Variants in AGBL1 observed in about 807,000 individuals in gnomAD.
The protein encoded by AGBL1 is AGBL carboxypeptidase 1.
A neutral mutation model predicts 118.9 loss-of-function variants in AGBL1; 130 were observed. That is an observed-to-expected ratio of 1.09 (90% confidence interval 0.95 to 1.26). AGBL1 has a LOEUF of 1.26. Among genes scored for constraint, AGBL1 ranks in the 50% most tolerant of loss-of-function variants. The probability of loss-of-function intolerance (pLI) is 0.00; values close to 1 mark genes in which losing one functional copy is unlikely to be tolerated. For missense variants in AGBL1, 1,584 were observed against 1,298.1 expected, an observed-to-expected ratio of 1.22 and a Z score of -3.38; for synonymous variants, 555 against 478.9, an observed-to-expected ratio of 1.16 and a Z score of -2.08.
At chr15:86,258,530 C>T (rs1469083902) in intron 9 of AGBL1, among the ~76,000 whole-genome samples, 1 of 152,084 alleles carries the variant, frequency 6.6e-6, no homozygotes, top group African/African-American at 2.4e-5. Context: ...TCTTTGGTCC[C>T]CCTCCCAAAA....
chr15:86,954,355 G>A (rs1280099997), intron 23 of AGBL1, among the ~76,000 whole-genome samples: 2 of 152,142 alleles, frequency 1.3e-5, no homozygotes, highest in Non-Finnish European at 2.9e-5. Context: ...ACACTTGTAT[G>A]TTCATCACTG....
intron 16 of AGBL1, among the ~76,000 whole-genome samples, chr15:86,282,956 A>T (rs1301392660): frequency 1.3e-5 from 2 of 152,218 alleles, no homozygotes; most frequent in Non-Finnish European, 2.9e-5. Flanking sequence ...TGAAACTCTC[A>T]AAATTTTTTT....
At chr15:86,333,423 A>G (rs535112630) in intron 17 of AGBL1, among the ~76,000 whole-genome samples, 1 of 152,324 alleles carries the variant, frequency 6.6e-6, no homozygotes, top group Non-Finnish European at 1.5e-5. Flanking sequence ...CACAAAGTAG[A>G]AAATCTAGAA....
chr15:86,279,541 A>G lies in AGBL1; in HGVS notation c.2076-98A>G, dbSNP rs983831311. 5 of 1,200,432 alleles carry G rather than the reference A, an allele frequency of 4.2e-6. No individual in the cohort carries two copies. The Admixed American group carries it at 1.0e-4, about 25-fold the overall frequency. The allele number at this position is 1,200,432 out of a possible 1,614,324, so 74.4% of individuals were successfully genotyped here. Reference sequence around the variant, plus strand: ...GAAGGCCATTGTGCCAGGACAGTATATAACGCACAAGATTTATAGCATCTA... The same window carrying G: ...GAAGGCCATTGTGCCAGGACAGTATGTAACGCACAAGATTTATAGCATCTA... On this transcript the variant is annotated intron_variant, in intron 15 of 22. Transcript: ENST00000614907.
rs993966569 is a variant in AGBL1 at position 86,188,090 on chromosome 15, A to G, written c.488+29064A>G. On this transcript the variant is annotated intron_variant, in intron 5 of 22. Coordinates refer to ENST00000614907, the MANE Select transcript of AGBL1 (RefSeq NM_001386094.1). ...GTAGCTACTGAATTAGCTTGGGCAC[A>G]TGGCATGAATGTGTACACAGTTATC... Among the ~76,000 whole-genome samples the G allele has an allele frequency of 2.0e-5, 3 of 152,216 alleles. No homozygotes were observed. In the East Asian group the frequency reaches 5.8e-4, roughly 29 times the overall value.
chr15:86,621,635 A>G (rs1384951443), intron 21 of AGBL1, among the ~76,000 whole-genome samples: 1 of 152,210 alleles, frequency 6.6e-6, no homozygotes, highest in East Asian at 1.9e-4. Context: ...ATTACATCTG[A>G]AAAGACCTTA....
chr15:86,768,561 T>A (rs2078128578), intron 22 of AGBL1, among the ~76,000 whole-genome samples: 1 of 151,890 alleles, frequency 6.6e-6, no homozygotes, highest in South Asian at 2.1e-4. Context: ...TACCCTGACC[T>A]TTGCATGCCT....
At chr15:86,767,017 T>C (rs2078106024) in intron 22 of AGBL1, among the ~76,000 whole-genome samples, 2 of 151,964 alleles carry the variant, frequency 1.3e-5, no homozygotes, top group South Asian at 4.1e-4. Flanking sequence ...GTAGGAAATT[T>C]ATGTGTTATT....
At chr15:86,339,551 G>T (rs2080427924) in intron 17 of AGBL1, among the ~76,000 whole-genome samples, 1 of 152,038 alleles carries the variant, frequency 6.6e-6, no homozygotes, top group Non-Finnish European at 1.5e-5. Context: ...TTTTTCTGTT[G>T]TTCAGATTAG....
intron 17 of AGBL1, among the ~76,000 whole-genome samples, chr15:86,356,364 G>A (rs529288002): frequency 2.3e-4 from 35 of 152,150 alleles, no homozygotes; most frequent in South Asian, 4.2e-4. Flanking sequence ...GTGCGCGTGC[G>A]CCCGCACGCA....
intron 22 of AGBL1, among the ~76,000 whole-genome samples, chr15:86,788,862 CA>C (rs906211439): frequency 1.3e-5 from 2 of 151,456 alleles, no homozygotes; most frequent in East Asian, 3.9e-4. Flanking sequence ...TATCACAGAC[CA>C]AAAAAAAGCA....
intron 22 of AGBL1, among the ~76,000 whole-genome samples, chr15:86,817,346 T>C (rs2078874108): frequency 6.7e-6 from 1 of 148,756 alleles, no homozygotes; most frequent in Non-Finnish European, 1.5e-5. Context: ...GCCTTCTAAA[T>C]GCTCATCACA....
At position 86,182,960 on chromosome 15, in the gene AGBL1, G is replaced by T. The variant is rs376448264; in HGVS notation, c.488+23934G>T. Among the ~76,000 whole-genome samples, 6 of 152,290 alleles carry T rather than the reference G, an allele frequency of 3.9e-5. No homozygotes were observed. In the East Asian group the frequency reaches 9.6e-4, roughly 24 times the overall value. On this transcript the variant is annotated intron_variant, in intron 5 of 22. Coordinates refer to ENST00000614907, the MANE Select transcript of AGBL1 (RefSeq NM_001386094.1). The stretch of plus-strand genomic sequence containing the variant: ...TTTATTTCAGTATCACTAATATGAT[G>T]CTCCCCATTATGGCTAATTCTCATG...
intron 18 of AGBL1, among the ~76,000 whole-genome samples, chr15:86,426,572 C>G (rs2081869045): frequency 6.6e-6 from 1 of 152,150 alleles, no homozygotes. Flanking sequence ...ACTGAAGCCT[C>G]AAACATGGTG....
intron 23 of AGBL1, among the ~76,000 whole-genome samples, chr15:86,929,054 G>A (rs979159055): frequency 2.0e-5 from 3 of 151,902 alleles, no homozygotes; most frequent in Non-Finnish European, 2.9e-5. Flanking sequence ...CAGAGTCTTG[G>A]TTCTGTCGAC....
At chr15:86,418,728 G>A (rs937398127) in intron 18 of AGBL1, among the ~76,000 whole-genome samples, 2 of 152,124 alleles carry the variant, frequency 1.3e-5, no homozygotes, top group Admixed American at 1.3e-4. Flanking sequence ...CCTGACTTAG[G>A]ATGATTCAGA....
At chr15:86,843,047 A>G (rs758152993) in intron 22 of AGBL1, among the ~76,000 whole-genome samples, 88 of 152,274 alleles carry the variant, frequency 5.8e-4, no homozygotes, top group Admixed American at 1.0e-3. Flanking sequence ...TTCAAGGTAG[A>G]TTTGGGGGCC....
intron 17 of AGBL1, among the ~76,000 whole-genome samples, chr15:86,338,848 A>G (rs1049068185): frequency 6.6e-6 from 1 of 152,088 alleles, no homozygotes; most frequent in African/African-American, 2.4e-5. Flanking sequence ...CTCTGCTCTC[A>G]ATGCTAGGAG....
intron 20 of AGBL1, among the ~76,000 whole-genome samples, chr15:86,552,601 G>T: frequency 6.6e-6 from 1 of 152,144 alleles, no homozygotes; most frequent in Non-Finnish European, 1.5e-5. Flanking sequence ...CATACTGCTC[G>T]ATGTGTAGGG....
Sources: allele counts gnomAD v4.1 joint callset (sites outside exome capture counted in the v4.1 genomes callset), GRCh38; gene constraint gnomAD v4.1.1; transcripts MANE v1.5; gene names NCBI Gene and HGNC (gene_info 2026-07-23, HGNC 2026-07-21).